ING5: variants seen among roughly 807,000 people sequenced by gnomAD.
The protein encoded by ING5 is inhibitor of growth family member 5, also known as inhibitor of growth protein 5.
A neutral mutation model predicts 37.4 loss-of-function variants in ING5; 17 were observed. The observed-to-expected ratio is 0.45, with a 90% CI of 0.31 to 0.68. The LOEUF is 0.68. Ranked by LOEUF, ING5 falls within the 30% of genes least tolerant of loss-of-function variation. ING5 has a pLI of 0.05. For synonymous variants in ING5, 123 were observed against 116.6 expected, an observed-to-expected ratio of 1.06 and a Z score of -0.36; for missense variants, 233 against 311.9, an observed-to-expected ratio of 0.75 and a Z score of 1.91.
intron 1 of ING5, 102 bp from the exon 2 acceptor site, chr2:241,704,549 CAA>C (rs1303826823): frequency 1.3e-5 from 12 of 927,902 alleles, no homozygotes; most frequent in East Asian, 5.0e-5. Context: ...GCCTGGGCAA[CAA>C]GAGTGAAACT....
At chr2:241,709,990 TG>T (rs1360131690) in intron 3 of ING5, among the ~76,000 whole-genome samples, 1 of 152,090 alleles carries the variant, frequency 6.6e-6, no homozygotes, top group Non-Finnish European at 1.5e-5. Flanking sequence ...TCGCCCAGGC[TG>T]GAGTGCAGTG....
At chr2:241,690,900 A>G (rs1476452386) in intron 2 of ING5, among the ~76,000 whole-genome samples, 2 of 150,560 alleles carry the variant, frequency 1.3e-5, no homozygotes, top group East Asian at 2.0e-4. Flanking sequence ...TCCACCTCCT[A>G]GGTTCAGACG....
Position 241,688,233 on chromosome 2 carries a change from T to C in ING5, c.-774+171T>C, listed in dbSNP as rs1000242398. On this transcript the variant is annotated intron_variant, in intron 1 of 7. Coordinates refer to the ING5 transcript ENST00000636051. ...TTACAGTCTACCAGACGAGGCACTC[T>C]TACCTTTCGAGGCGATTATTCTTGG... Among the ~76,000 whole-genome samples, 33 of 152,356 alleles carry C rather than the reference T, an allele frequency of 2.2e-4. 1 individual carries two copies. In the East Asian group the frequency reaches 6.4e-3, roughly 29 times the overall value.
intron 1 of ING5, 32 bp downstream of exon 1, chr2:241,702,134 GC>G: frequency 7.9e-7 from 1 of 1,267,476 alleles, no homozygotes; most frequent in Non-Finnish European, 1.0e-6. Flanking sequence ...CGCGCCCGCC[GC>G]CCACGCGGAG....
At chr2:241,700,947 T>G (rs2069707906), upstream of ING5, among the ~76,000 whole-genome samples, 1 of 149,762 alleles carries the variant, frequency 6.7e-6, no homozygotes, top group South Asian at 2.1e-4. Context: ...TTAATTATGT[T>G]TCTCCAGTAT....
chr2:241,723,777 T>A (rs749977908), intron 7 of ING5: 8 of 1,598,308 alleles, frequency 5.0e-6, no homozygotes, highest in Non-Finnish European at 5.9e-6. Context: ...ACTTTCTGCA[T>A]TGTTGTTCCT....
chr2:241,696,162 C>T (rs1482697413), intron 2 of ING5, among the ~76,000 whole-genome samples: 3 of 152,084 alleles, frequency 2.0e-5, no homozygotes, highest in African/African-American at 4.8e-5. Context: ...AAGGCCGAGG[C>T]GGGCAGATCA....
intron 2 of ING5, among the ~76,000 whole-genome samples, chr2:241,705,635 T>C (rs1004027158): frequency 2.0e-5 from 3 of 151,968 alleles, no homozygotes; most frequent in Non-Finnish European, 4.4e-5. Context: ...CTTGATCTAC[T>C]GACCTCATGA....
chr2:241,691,597 T>A (rs2069556634), intron 2 of ING5, among the ~76,000 whole-genome samples: 1 of 152,190 alleles, frequency 6.6e-6, no homozygotes, highest in South Asian at 2.1e-4. Context: ...ACTGGGGAAC[T>A]GAAGCAATAG....
chr2:241,720,316 C>T, intron 5 of ING5: 1 of 1,222,004 alleles, frequency 8.2e-7, no homozygotes. Context: ...TGCCAGGCCG[C>T]TCTGCCTCAA....
In ING5 at chr2:241,723,239, C is replaced by T. The variant is rs142109211; in HGVS notation, c.648C>T (p.Cys216=). The change falls in exon 7 of 8, where the codon TGC becomes TGT. Residue 216 remains cysteine (C), a synonymous_variant. Coordinates refer to ENST00000313552, the MANE Select transcript of ING5 (RefSeq NM_032329.6). ...CAATTGAGTGGTTTCACTTTGCCTG[C>T]GTGGACCTTACCACGAAACCCAAAG... is the stretch of plus-strand genomic sequence containing the variant. ...DCPIEWFHFA[C]VDLTTKPKGK... The T allele has an allele frequency of 1.8e-3, 2,826 of 1,614,220 alleles. 46 individuals are homozygous for T. In the African/African-American group the frequency reaches 0.033, roughly 19 times the overall value.
At chr2:241,698,370 G>T (rs149371861), upstream of ING5, among the ~76,000 whole-genome samples, 1 of 151,888 alleles carries the variant, frequency 6.6e-6, no homozygotes, top group Non-Finnish European at 1.5e-5. Context: ...GCGTGGATCC[G>T]GGAGGTGGAG....
chr2:241,696,602 A>G (rs2124857836), intron 2 of ING5, among the ~76,000 whole-genome samples: 1 of 152,032 alleles, frequency 6.6e-6, no homozygotes, highest in East Asian at 1.9e-4. Context: ...CCTGGGCAAC[A>G]TAGATACCCC....
chr2:241,721,484 G>T (rs377313411), intron 5 of ING5: 52 of 985,584 alleles, frequency 5.3e-5, no homozygotes, highest in Non-Finnish European at 6.1e-5. Context: ...TGCTGAGCCC[G>T]AGTGTGTGTG....
At chr2:241,696,076 G>A (rs575956052) in intron 2 of ING5, among the ~76,000 whole-genome samples, 2 of 152,066 alleles carry the variant, frequency 1.3e-5, no homozygotes, top group East Asian at 3.9e-4. Context: ...CAGCCTGGGC[G>A]ACAATGTGAG....
chr2:241,694,525 A>C (rs911003699), intron 2 of ING5, among the ~76,000 whole-genome samples: 2 of 152,124 alleles, frequency 1.3e-5, no homozygotes, highest in African/African-American at 4.8e-5. Context: ...AAAAAAGTTT[A>C]GCTTCACTTA....
At chr2:241,708,694 T>C (rs1332965071) in intron 2 of ING5, among the ~76,000 whole-genome samples, 5 of 152,226 alleles carry the variant, frequency 3.3e-5, no homozygotes, top group African/African-American at 1.2e-4. Context: ...AGTAGCACTC[T>C]GTTGTCTGAA....
chr2:241,695,416 G>A lies in ING5; in HGVS notation c.43+4763G>A, dbSNP rs193150325. ...ATAACAAAATAGTTCTTGGCGGCAC[G>A]GTGGCTCACGCCTGTAATCCCAGCA... On this transcript the variant is annotated intron_variant, in intron 2 of 7. Transcript: ENST00000636051. 1.0e-3 allele frequency among the ~76,000 whole-genome samples: 155 copies of A among 152,268 alleles called. 3 individuals carry two copies. Among genetic ancestry groups the A allele is most frequent in the African/African-American group, 3.4e-3 (142 of 41,538 alleles).
At chr2:241,717,598 A>T (rs1300861284) in intron 5 of ING5, among the ~76,000 whole-genome samples, 4 of 149,634 alleles carry the variant, frequency 2.7e-5, no homozygotes, top group African/African-American at 1.0e-4. Flanking sequence ...TTTTAGGTTG[A>T]CCTTTTTTCT....
Sources: allele counts gnomAD v4.1 joint callset (sites outside exome capture counted in the v4.1 genomes callset), GRCh38; gene constraint gnomAD v4.1.1; transcripts MANE v1.5; gene names NCBI Gene and HGNC (gene_info 2026-07-23, HGNC 2026-07-21).